The following TPX2 variants were observed in gnomAD, a reference collection of about 807,000 sequenced individuals.
TPX2 encodes TPX2 microtubule nucleation factor.
Under a neutral mutation model 93.6 loss-of-function variants are expected in TPX2, and 21 were observed. That is an observed-to-expected ratio of 0.22 (90% CI 0.16 to 0.32). The LOEUF is 0.32. TPX2 is among the 10% of genes least tolerant of loss of function. The pLI, the probability that TPX2 is intolerant of heterozygous loss-of-function variation, is 1.00. For missense variants in TPX2, 776 were observed against 871.1 expected, an observed-to-expected ratio of 0.89 and a Z score of 1.37; for synonymous variants, 281 against 298.3, an observed-to-expected ratio of 0.94 and a Z score of 0.60.
chr20:31,783,562 G>A (rs372115290), intron 11 of TPX2, 143 bp from the exon 12 acceptor site: 20 of 853,564 alleles, frequency 2.3e-5, no homozygotes, highest in Middle Eastern at 3.6e-4. Flanking sequence ...ATTGTTTTTC[G>A]TTTTTATTTA....
intron 10 of TPX2, among the ~76,000 whole-genome samples, chr20:31,781,816 G>A (rs1303228867): frequency 2.0e-5 from 3 of 151,984 alleles, no homozygotes; most frequent in African/African-American, 4.8e-5. Context: ...GGTGGTGCAT[G>A]CCTGTAATCC....
At chr20:31,770,501 G>T (rs762986079) in intron 6 of TPX2, 30 bp downstream of exon 6, 1 of 1,542,038 alleles carries the variant, frequency 6.5e-7, no homozygotes, top group African/African-American at 1.4e-5. Flanking sequence ...TACTGCCAAG[G>T]GCAGACATAT....
At chr20:31,782,889 T>C (rs62204653) in intron 11 of TPX2, among the ~76,000 whole-genome samples, 16 of 142,758 alleles carry the variant, frequency 1.1e-4, no homozygotes, top group South Asian at 2.3e-4. Flanking sequence ...CATACACACA[T>C]ACACACACAC....
chr20:31,744,072 C>G (rs1468665045), intron 2 of TPX2, among the ~76,000 whole-genome samples: 1 of 151,018 alleles, frequency 6.6e-6, no homozygotes, highest in Admixed American at 6.6e-5. Flanking sequence ...ATTGAATCCA[C>G]AGATATGGAA....
At chr20:31,798,330 T>C (rs2062150679) in intron 16 of TPX2, 35 bp from the exon 17 acceptor site, 2 of 1,613,324 alleles carry the variant, frequency 1.2e-6, no homozygotes, top group African/African-American at 1.3e-5. Flanking sequence ...CAAGTCCTGC[T>C]TGTGCACCAA....
At chr20:31,765,228 T>A (rs528328648) in intron 4 of TPX2, among the ~76,000 whole-genome samples, 8 of 148,448 alleles carry the variant, frequency 5.4e-5, no homozygotes, top group African/African-American at 2.0e-4. Context: ...GAGGCCAAAA[T>A]GAGAGGATTG....
intron 3 of TPX2, 26 bp from the exon 4 acceptor site, chr20:31,760,031 A>G (rs1412971384): frequency 6.2e-7 from 1 of 1,610,612 alleles, no homozygotes; most frequent in African/African-American, 1.3e-5. Context: ...TGCTGATCAG[A>G]CAATGATGAT....
intron 8 of TPX2, 51 bp from the exon 9 acceptor site, chr20:31,777,436 G>C: frequency 6.3e-7 from 1 of 1,581,298 alleles, no homozygotes; most frequent in Non-Finnish European, 8.6e-7. Context: ...GGATTTACTG[G>C]TGTTCCCTAT....
intron 12 of TPX2, among the ~76,000 whole-genome samples, chr20:31,789,879 T>C (rs1016027277): frequency 1.3e-5 from 2 of 152,222 alleles, no homozygotes; most frequent in Admixed American, 1.3e-4. Context: ...GTTGGGTGAA[T>C]GCAGAGAGAG....
At chr20:31,769,763 G>A (rs1441334435) in intron 5 of TPX2, among the ~76,000 whole-genome samples, 2 of 151,996 alleles carry the variant, frequency 1.3e-5, no homozygotes, top group African/African-American at 2.4e-5. Flanking sequence ...GTATGTATTA[G>A]ATCTGTCATT....
chr20:31,772,626 A>G (rs1458953303), intron 7 of TPX2, among the ~76,000 whole-genome samples: 1 of 152,198 alleles, frequency 6.6e-6, no homozygotes, highest in East Asian at 1.9e-4. Flanking sequence ...TATTTTCACA[A>G]TCAGTTAATA....
chr20:31,801,008 G>A lies in TPX2; in HGVS notation c.2172G>A (p.Leu724=), dbSNP rs929209441. ...KANPIRKYQG[L]EIKSSDQPLT... ...ATCCAATACGCAAGTACCAGGGTCT[G>A]GAGATAAAGTCAAGTGACCAGCCTC... Residue 724 remains leucine, a synonymous_variant, in exon 18 of 18, where the codon CTG becomes CTA. Coordinates refer to ENST00000300403, the MANE Select transcript of TPX2 (RefSeq NM_012112.5). 6.2e-7 allele frequency: 1 copy of A among 1,614,196 alleles called. No homozygotes were observed. The highest frequency in any genetic ancestry group is 2.2e-5 in the East Asian group (1 of 44,888).
chr20:31,758,398 G>A (rs549123239), intron 3 of TPX2, among the ~76,000 whole-genome samples: 1 of 152,160 alleles, frequency 6.6e-6, no homozygotes, highest in Non-Finnish European at 1.5e-5. Context: ...GGGATTACAG[G>A]CGTGAGCCAC....
intron 8 of TPX2, 137 bp downstream of exon 8, chr20:31,776,125 C>CT (rs1157950967): frequency 1.1e-6 from 1 of 890,204 alleles, no homozygotes; most frequent in African/African-American, 1.8e-5. Context: ...CCAGGCCGGA[C>CT]TGCGGACTGC....
intron 7 of TPX2, among the ~76,000 whole-genome samples, chr20:31,773,436 C>T (rs1483764447): frequency 1.4e-5 from 2 of 146,584 alleles, no homozygotes; most frequent in African/African-American, 2.4e-5. Flanking sequence ...CAGGTGTGAG[C>T]CACCATGCCT....
chr20:31,772,274 G>A (rs1435142774), intron 7 of TPX2, among the ~76,000 whole-genome samples: 1 of 152,028 alleles, frequency 6.6e-6, no homozygotes, highest in East Asian at 1.9e-4. Flanking sequence ...GCCCACCTTG[G>A]CCTCCCACAG....
In TPX2 at chr20:31,799,897, CAAAAAAAA is replaced by C. The variant is rs533016889; in HGVS notation, c.2134-1056_2134-1049del. 1.7e-4 allele frequency among the ~76,000 whole-genome samples: 11 copies of C among 63,988 alleles called. No homozygotes were observed. The South Asian group carries it at 2.1e-3, about 12-fold the overall frequency. The allele number at this position is 63,988 out of a possible 152,430, so 42.0% of individuals were successfully genotyped here. On this transcript the variant is annotated intron_variant, in intron 17 of 17. Transcript: ENST00000300403. Reference sequence around the variant, plus strand: ...TGGGGGTGACAGAGCGAGACTGTCTCAAAAAAAAAAAAAAAAAAAAAAAAGAAGTGTAA... The same window carrying C: ...TGGGGGTGACAGAGCGAGACTGTCTCAAAAAAAAAAAAAAAAGAAGTGTAA...
intron 12 of TPX2, among the ~76,000 whole-genome samples, chr20:31,785,214 A>G (rs117076659): frequency 1.3e-5 from 2 of 151,840 alleles, no homozygotes; most frequent in Non-Finnish European, 2.9e-5. Flanking sequence ...GCCATGATGC[A>G]TATGTACTAT....
intron 2 of TPX2, among the ~76,000 whole-genome samples, chr20:31,750,693 A>G (rs1274123364): frequency 6.6e-6 from 1 of 152,076 alleles, no homozygotes; most frequent in East Asian, 1.9e-4. Flanking sequence ...GTAGTTCTAT[A>G]TAGAAATATT....
Sources: allele counts gnomAD v4.1 joint callset (sites outside exome capture counted in the v4.1 genomes callset), GRCh38; gene constraint gnomAD v4.1.1; transcripts MANE v1.5; gene names NCBI Gene and HGNC (gene_info 2026-07-23, HGNC 2026-07-21).